CTNNA2: variants seen among roughly 807,000 people sequenced by gnomAD.
CTNNA2 encodes the protein catenin alpha-2.
A neutral mutation model predicts 101.0 loss-of-function variants in CTNNA2; 42 were observed. The ratio of observed to expected loss-of-function variants is 0.42; its 90% confidence interval spans 0.32 to 0.54. CTNNA2 has a LOEUF of 0.54. Among genes scored for constraint, CTNNA2 ranks in the 20% least tolerant of loss-of-function variants. The probability of loss-of-function intolerance (pLI) is 0.14; values close to 1 mark genes in which losing one functional copy is unlikely to be tolerated. For missense variants in CTNNA2, 871 were observed against 1,223.1 expected (o/e 0.71, Z 4.29); for synonymous variants, 450 against 456.4 (o/e 0.99, Z 0.18).
chr2:79,382,988 T>C (rs1678056911), intron 4 of CTNNA2, among the ~76,000 whole-genome samples: 1 of 152,196 alleles, frequency 6.6e-6, no homozygotes, highest in African/African-American at 2.4e-5. Context: ...CTGTCAGTGA[T>C]ATGGAGATGA....
At chr2:79,839,356 T>C (rs982050914) in intron 3 of CTNNA2, among the ~76,000 whole-genome samples, 2 of 152,042 alleles carry the variant, frequency 1.3e-5, no homozygotes, top group Non-Finnish European at 2.9e-5. Context: ...GTCTTTGGCC[T>C]TTGAATTCTC....
chr2:79,788,603 G>A (rs1311446779), intron 3 of CTNNA2, among the ~76,000 whole-genome samples: 1 of 152,148 alleles, frequency 6.6e-6, no homozygotes, highest in Non-Finnish European at 1.5e-5. Context: ...TTCCGTGAGA[G>A]GACTCCAGAG....
chr2:79,259,527 G>C (rs1187330016), intron 2 of CTNNA2, among the ~76,000 whole-genome samples: 2 of 152,154 alleles, frequency 1.3e-5, no homozygotes, highest in Non-Finnish European at 2.9e-5. Context: ...AAACCCACTA[G>C]TCACTAACTT....
intron 3 of CTNNA2, among the ~76,000 whole-genome samples, chr2:79,348,954 C>A (rs1677323142): frequency 6.6e-6 from 1 of 152,112 alleles, no homozygotes; most frequent in Non-Finnish European, 1.5e-5. Context: ...TTTTGTAGGC[C>A]AGAGAACAAA....
chr2:80,510,880 A>G (rs1688652848), intron 9 of CTNNA2, among the ~76,000 whole-genome samples: 1 of 152,148 alleles, frequency 6.6e-6, no homozygotes, highest in African/African-American at 2.4e-5. Context: ...TATCCATAGC[A>G]GAAGATTCTT....
intron 4 of CTNNA2, chr2:79,866,585 A>G (rs1429870693): frequency 6.6e-6 from 1 of 152,206 alleles, no homozygotes; most frequent in Non-Finnish European, 1.5e-5. Flanking sequence ...TAGAGCCATC[A>G]CTAGGCAGCC....
intron 7 of CTNNA2, among the ~76,000 whole-genome samples, chr2:80,072,360 C>G (rs1042707122): frequency 2.6e-5 from 4 of 151,978 alleles, no homozygotes. Flanking sequence ...AAGCCCTGCT[C>G]TGGTTCTGCC....
At chr2:80,367,657 CT>C (rs922645325) in intron 7 of CTNNA2, among the ~76,000 whole-genome samples, 8 of 151,698 alleles carry the variant, frequency 5.3e-5, no homozygotes, top group Middle Eastern at 3.4e-3. Flanking sequence ...TTATGATTAA[CT>C]TTTTTTTATA....
At chr2:79,841,097 T>G (rs769290067) in intron 3 of CTNNA2, among the ~76,000 whole-genome samples, 1 of 152,144 alleles carries the variant, frequency 6.6e-6, no homozygotes, top group South Asian at 2.1e-4. Flanking sequence ...TATGTATCTA[T>G]GCATGTAAGC....
At chr2:79,757,301 T>G (rs1315871057) in intron 3 of CTNNA2, among the ~76,000 whole-genome samples, 1 of 152,334 alleles carries the variant, frequency 6.6e-6, no homozygotes, top group East Asian at 1.9e-4. Flanking sequence ...GTTGATATGC[T>G]TAGCAAAAAT....
At chr2:80,480,279 G>T (rs1243670079) in intron 9 of CTNNA2, among the ~76,000 whole-genome samples, 2 of 151,870 alleles carry the variant, frequency 1.3e-5, no homozygotes, top group African/African-American at 4.8e-5. Flanking sequence ...AGGTGAGAAG[G>T]CACAGTGTTT....
intron 7 of CTNNA2, among the ~76,000 whole-genome samples, chr2:79,953,307 A>C (rs1361001675): frequency 6.6e-6 from 1 of 152,084 alleles, no homozygotes; most frequent in East Asian, 1.9e-4. Flanking sequence ...CATAATTTTC[A>C]CTCCAAAAAC....
chr2:80,560,297 C>T (rs1320791874), intron 12 of CTNNA2, among the ~76,000 whole-genome samples: 9 of 152,006 alleles, frequency 5.9e-5, no homozygotes, highest in Admixed American at 1.3e-4. Flanking sequence ...ACAAAGCATC[C>T]AAACTGGAAA....
chr2:79,421,989 C>T (rs557885795), intron 4 of CTNNA2, among the ~76,000 whole-genome samples: 8 of 152,170 alleles, frequency 5.3e-5, no homozygotes, highest in African/African-American at 1.7e-4. Context: ...TCCATCTCTA[C>T]TAAAAATACA....
At chr2:79,999,179 G>C (rs1192013250) in intron 7 of CTNNA2, among the ~76,000 whole-genome samples, 3 of 152,066 alleles carry the variant, frequency 2.0e-5, no homozygotes, top group Non-Finnish European at 4.4e-5. Context: ...CAGCTCACCA[G>C]CTCCCCCATA....
At chr2:79,296,738 G>A (rs1034773527) in intron 2 of CTNNA2, among the ~76,000 whole-genome samples, 39 of 152,140 alleles carry the variant, frequency 2.6e-4, no homozygotes, top group African/African-American at 6.3e-4. Context: ...CCCTTTTTGC[G>A]GTGCTTTGTC....
intron 12 of CTNNA2, among the ~76,000 whole-genome samples, chr2:80,564,762 A>G (rs1370720184): frequency 6.6e-6 from 1 of 152,216 alleles, no homozygotes; most frequent in Non-Finnish European, 1.5e-5. Flanking sequence ...ACTGGCCAAG[A>G]TGATGATAGT....
intron 4 of CTNNA2, among the ~76,000 whole-genome samples, chr2:79,473,564 A>C (rs1671023353): frequency 6.6e-6 from 1 of 152,206 alleles, no homozygotes; most frequent in African/African-American, 2.4e-5. Context: ...GCGTATTCAC[A>C]TCAGAAATTA....
At chr2:79,546,938 A>C (rs1477393970) in intron 1 of CTNNA2, among the ~76,000 whole-genome samples, 2 of 152,112 alleles carry the variant, frequency 1.3e-5, no homozygotes, top group Non-Finnish European at 2.9e-5. Flanking sequence ...AGGCCTGCTC[A>C]ACAGTGCTTC....
Sources: allele counts gnomAD v4.1 joint callset (sites outside exome capture counted in the v4.1 genomes callset), GRCh38; gene constraint gnomAD v4.1.1; transcripts MANE v1.5; gene names NCBI Gene and HGNC (gene_info 2026-07-23, HGNC 2026-07-21).